Variants in TERF2 observed in about 807,000 individuals in gnomAD.
TERF2 encodes telomeric repeat-binding factor 2.
A neutral mutation model predicts 56.1 loss-of-function variants in TERF2; 16 were observed. That is an observed-to-expected ratio of 0.29 (90% CI 0.19 to 0.43). The LOEUF is 0.43. Among genes scored for constraint, TERF2 ranks in the 20% least tolerant of loss-of-function variants. The pLI, the probability that TERF2 is intolerant of heterozygous loss-of-function variation, is 1.00. For synonymous variants in TERF2, 296 were observed against 282.1 expected, an observed-to-expected ratio of 1.05 and a Z score of -0.50; for missense variants, 547 against 712.9, an observed-to-expected ratio of 0.77 and a Z score of 2.65.
chr16:69,385,648 C>T lies in TERF2; in HGVS notation c.324G>A (p.Arg108=). 2 of 1,611,990 alleles carry T rather than the reference C, an allele frequency of 1.2e-6. No individual in the cohort carries two copies. The highest frequency in any genetic ancestry group is 8.5e-7 in the Non-Finnish European group (1 of 1,179,606). Reference sequence around the variant, plus strand: ...CCCCGTACCGGCTACCCCGAAAGGCCCGCAGCGCCTCGTGGAAGTAGAACT... The same window carrying T: ...CCCCGTACCGGCTACCCCGAAAGGCTCGCAGCGCCTCGTGGAAGTAGAACT... The part of the protein sequence containing the change: ...VLKFYFHEAL[R]AFRGSRYGDF... The change falls in exon 1 of 10, where the codon CGG becomes CGA. Residue 108 remains arginine, a synonymous_variant. Transcript: ENST00000254942.
chr16:69,385,950 C>A lies in TERF2; in HGVS notation c.22G>T (p.Ala8Ser), dbSNP rs2014191992. Residue 8 changes from alanine to serine, a missense_variant, in exon 1 of 10, where the codon GCG becomes TCG. Ala to Ser is a moderately conservative substitution (Grantham distance 99). Transcript: ENST00000254942. ...ACGCCCGGGCCGGAAGCGGGGCCCG[C>A]CGTCCCGGCTCCCGCGGCCATGATA... MAAGAGTAGPASGPGVVR... is the reference protein window; with the variant it reads MAAGAGTSGPASGPGVVR... The A allele has an allele frequency of 1.5e-6, 2 of 1,362,958 alleles. No individual in the cohort carries two copies. Among genetic ancestry groups the A allele is most frequent in the Non-Finnish European group, 9.5e-7 (1 of 1,057,524 alleles). The allele number at this position is 1,362,958 out of a possible 1,614,324, so 84.4% of individuals were successfully genotyped here.
At chr16:69,376,422 G>C (rs192571114) in intron 3 of TERF2, among the ~76,000 whole-genome samples, 1 of 152,180 alleles carries the variant, frequency 6.6e-6, no homozygotes, top group Admixed American at 6.5e-5. Context: ...CGTAATTACT[G>C]TAACTTTCTC....
chr16:69,360,830 T>C (rs897522378), intron 8 of TERF2, among the ~76,000 whole-genome samples: 1 of 150,866 alleles, frequency 6.6e-6, no homozygotes, highest in African/African-American at 2.4e-5. Flanking sequence ...AGGAAGAACA[T>C]CAACTATAAT....
chr16:69,384,452 C>G, intron 3 of TERF2, 128 bp downstream of exon 3: 1 of 973,530 alleles, frequency 1.0e-6, no homozygotes, highest in Admixed American at 3.1e-5. Context: ...TGTGTGTGTG[C>G]TTTCTTGCTT....
chr16:69,366,304 T>G (rs35124791), intron 7 of TERF2: 39,284 of 153,084 alleles, frequency 0.26, 5,347 homozygotes, highest in South Asian at 0.34. Flanking sequence ...AGAATCACAA[T>G]GGGGAGCAAA....
chr16:69,382,458 G>A (rs2142769066), intron 3 of TERF2, among the ~76,000 whole-genome samples: 2 of 152,286 alleles, frequency 1.3e-5, no homozygotes, highest in Non-Finnish European at 2.9e-5. Flanking sequence ...CAACCTCAAA[G>A]GCAGCCCCCA....
chr16:69,357,423 G>T, intron 9 of TERF2, 95 bp downstream of exon 9: 1 of 998,770 alleles, frequency 1.0e-6, no homozygotes, highest in South Asian at 1.6e-5. Flanking sequence ...GGTTTTTACT[G>T]GGTACATAAC....
chr16:69,356,818 AAAAG>A lies in TERF2; in HGVS notation c.*76_*79del, dbSNP rs1336977319. 75 of 1,453,146 alleles carry A rather than the reference AAAAG, an allele frequency of 5.2e-5. No homozygotes were observed. Among genetic ancestry groups the A allele is most frequent in the South Asian group, 8.6e-5 (6 of 69,892 alleles). The allele number at this position is 1,453,146 out of a possible 1,614,324, so 90.0% of individuals were successfully genotyped here. ...CTGTCTCAAAAAAAAAAAAAAAAGA[AAAAG>A]AAAGAAAGAGCAGACTATCAGGGGC... On this transcript the variant is annotated 3_prime_UTR_variant, in exon 10 of 10. Coordinates refer to ENST00000254942, the MANE Select transcript of TERF2 (RefSeq NM_005652.5).
At chr16:69,363,430 T>A (rs146469337) in intron 7 of TERF2, among the ~76,000 whole-genome samples, 5 of 152,334 alleles carry the variant, frequency 3.3e-5, no homozygotes, top group African/African-American at 1.2e-4. Flanking sequence ...ATGTGTTCAC[T>A]GCCTCTCCTG....
At chr16:69,377,564 A>G (rs251797) in intron 3 of TERF2, among the ~76,000 whole-genome samples, 105,262 of 152,038 alleles carry the variant, frequency 0.69, 37,785 homozygotes, top group African/African-American at 0.89. Flanking sequence ...TTGACCTCAT[A>G]ATCCGCCTGC....
chr16:69,367,245 T>C lies in TERF2; in HGVS notation c.948-46A>G, dbSNP rs780621637. Reference sequence around the variant, plus strand: ...CAAAGATGTTTTTCACCACTGATGATGCTCATCCAAACAGCCACAACTTTT... The same window carrying C: ...CAAAGATGTTTTTCACCACTGATGACGCTCATCCAAACAGCCACAACTTTT... On this transcript the variant is annotated intron_variant, in intron 6 of 9. Coordinates refer to ENST00000254942, the MANE Select transcript of TERF2 (RefSeq NM_005652.5). 20 of 1,541,534 alleles carry C rather than the reference T, an allele frequency of 1.3e-5. No individual in the cohort carries two copies. The East Asian group carries it at 4.3e-4, about 33-fold the overall frequency.
Position 69,367,086 on chromosome 16 carries a change from T to G in TERF2, c.1061A>C (p.Asp354Ala). 1 of 1,614,210 alleles carries G rather than the reference T, an allele frequency of 6.2e-7. No individual in the cohort carries two copies. Among genetic ancestry groups the G allele is most frequent in the East Asian group, 2.2e-5 (1 of 44,880 alleles). Residue 354 changes from aspartate (D) to alanine (A), a missense_variant, in exon 7 of 10, where the codon GAT becomes GCT. Transcript: ENST00000254942. ...GAGAGCTTGAGTAGGAAGAACCAGATCCTTCTGGTCCAGTTTTGCAAAGGC... is the reference window on the plus strand; with the variant it reads ...GAGAGCTTGAGTAGGAAGAACCAGAGCCTTCTGGTCCAGTTTTGCAAAGGC... ...EAAFAKLDQK[D>A]LVLPTQALPA...
At chr16:69,374,540 C>T (rs985824431) in intron 3 of TERF2, among the ~76,000 whole-genome samples, 42 of 149,146 alleles carry the variant, frequency 2.8e-4, no homozygotes, top group African/African-American at 9.6e-4. Context: ...GAGGATCACC[C>T]GAGCCCAGGA....
intron 7 of TERF2, among the ~76,000 whole-genome samples, chr16:69,362,647 G>GA (rs374179733): frequency 6.6e-6 from 1 of 152,148 alleles, no homozygotes; most frequent in African/African-American, 2.4e-5. Flanking sequence ...TACAAAAGCT[G>GA]AAAATAACCC....
intron 8 of TERF2, among the ~76,000 whole-genome samples, chr16:69,360,052 T>C (rs904219455): frequency 6.6e-6 from 1 of 151,020 alleles, no homozygotes; most frequent in Non-Finnish European, 1.5e-5. Flanking sequence ...CATGAGCCAC[T>C]ACGCCCAGCC....
intron 3 of TERF2, among the ~76,000 whole-genome samples, chr16:69,381,506 G>T (rs2013999577): frequency 6.6e-6 from 1 of 150,694 alleles, no homozygotes; most frequent in Non-Finnish European, 1.5e-5. Flanking sequence ...TTTTGACAGG[G>T]TCTTCACTCT....
At chr16:69,357,474 C>G (rs2012946820) in intron 9 of TERF2, 44 bp downstream of exon 9, 2 of 1,559,590 alleles carry the variant, frequency 1.3e-6, no homozygotes, top group Non-Finnish European at 1.8e-6. Context: ...TTTACCTCTG[C>G]TCTACCCACA....
chr16:69,382,425 G>A (rs1421038887), intron 3 of TERF2, among the ~76,000 whole-genome samples: 2 of 152,190 alleles, frequency 1.3e-5, no homozygotes, highest in Non-Finnish European at 2.9e-5. Context: ...TAACAACTAG[G>A]AGATCAAGGT....
intron 4 of TERF2, among the ~76,000 whole-genome samples, chr16:69,371,729 T>G (rs1464682553): frequency 6.6e-6 from 1 of 152,050 alleles, no homozygotes; most frequent in Non-Finnish European, 1.5e-5. Context: ...GTGGAAGAAC[T>G]GCTTGAGCTC....
Sources: gnomAD v4.1 joint callset for allele counts (sites outside exome capture counted in the v4.1 genomes callset) on GRCh38, gnomAD v4.1.1 for gene constraint, MANE v1.5 for transcripts, NCBI Gene and HGNC (gene_info 2026-07-23, HGNC 2026-07-21) for gene names.